SLC24A2: variants seen among roughly 807,000 people sequenced by gnomAD.
The protein encoded by SLC24A2 is sodium/potassium/calcium exchanger 2.
A neutral mutation model predicts 62.0 loss-of-function variants in SLC24A2; 36 were observed. That is an observed-to-expected ratio of 0.58 (90% confidence interval 0.44 to 0.77). The LOEUF is 0.77. SLC24A2 is among the 30% of genes least tolerant of loss of function. The probability of loss-of-function intolerance (pLI) is 0.00; values close to 1 mark genes in which losing one functional copy is unlikely to be tolerated. For synonymous variants in SLC24A2, 358 were observed against 294.0 expected (o/e 1.22, Z -2.23); for missense variants, 846 against 817.9 (o/e 1.03, Z -0.42).
the SLC24A2 span, among the ~76,000 whole-genome samples, chr9:20,258,804 C>CTA: frequency 8.0e-6 from 1 of 124,260 alleles, no homozygotes; most frequent in African/African-American, 2.8e-5. Flanking sequence ...ATCTATCTAT[C>CTA]TATCTATCTA....
At chr9:19,829,810 T>C in the SLC24A2 span, among the ~76,000 whole-genome samples, 782 of 34,058 alleles carry the variant, frequency 0.023, 4 homozygotes, top group South Asian at 0.16. Context: ...TATATATATA[T>C]ACACACACAC....
chr9:19,531,340 G>C (rs1198660462), intron 8 of SLC24A2, among the ~76,000 whole-genome samples: 1 of 152,190 alleles, frequency 6.6e-6, no homozygotes, highest in Non-Finnish European at 1.5e-5. Context: ...AGTGTCATTG[G>C]AAGGAAGAAA....
At chr9:20,127,342 C>G in the SLC24A2 span, among the ~76,000 whole-genome samples, 1 of 152,102 alleles carries the variant, frequency 6.6e-6, no homozygotes, top group Non-Finnish European at 1.5e-5. Context: ...TTAGTTTAAC[C>G]TTTTCTTTTA....
chr9:20,197,420 T>C, the SLC24A2 span, among the ~76,000 whole-genome samples: 1 of 133,342 alleles, frequency 7.5e-6, no homozygotes, highest in Non-Finnish European at 1.5e-5. Context: ...GTATTTTCTC[T>C]CTCTCTCTTT....
chr9:19,965,739 G>A, the SLC24A2 span, among the ~76,000 whole-genome samples: 1 of 152,156 alleles, frequency 6.6e-6, no homozygotes, highest in African/African-American at 2.4e-5. Context: ...TCAAAAAGCA[G>A]GAATTTTAGC....
intron 2 of SLC24A2, among the ~76,000 whole-genome samples, chr9:19,696,885 TTGAG>T (rs1820208619): frequency 6.6e-6 from 1 of 152,184 alleles, no homozygotes; most frequent in South Asian, 2.1e-4. Context: ...CATTTTAGAA[TTGAG>T]TTTTTCTTTT....
chr9:19,904,475 T>C, the SLC24A2 span, among the ~76,000 whole-genome samples: 1 of 152,200 alleles, frequency 6.6e-6, no homozygotes, highest in East Asian at 1.9e-4. Context: ...GTTTACTAGA[T>C]TGGACAAAAA....
At chr9:20,127,991 G>A in the SLC24A2 span, among the ~76,000 whole-genome samples, 3 of 151,982 alleles carry the variant, frequency 2.0e-5, no homozygotes, top group Non-Finnish European at 2.9e-5. Flanking sequence ...TGCCTACTAC[G>A]TAGTAGCATT....
At chr9:19,551,012 T>C (rs113600193) in intron 7 of SLC24A2, among the ~76,000 whole-genome samples, 1 of 152,168 alleles carries the variant, frequency 6.6e-6, no homozygotes, top group Non-Finnish European at 1.5e-5. Context: ...CTTTGGAATA[T>C]ATAGTGTGTT....
the SLC24A2 span, among the ~76,000 whole-genome samples, chr9:20,298,731 A>G: frequency 6.6e-6 from 1 of 152,244 alleles, no homozygotes; most frequent in Non-Finnish European, 1.5e-5. Context: ...AATCTTTCCA[A>G]ACAGCACTGA....
At chr9:19,817,191 A>G in the SLC24A2 span, among the ~76,000 whole-genome samples, 10 of 151,994 alleles carry the variant, frequency 6.6e-5, no homozygotes, top group African/African-American at 2.4e-4. Context: ...TCACTCTTAA[A>G]TCTCTGCTTC....
At chr9:20,203,777 T>C in the SLC24A2 span, among the ~76,000 whole-genome samples, 15 of 151,806 alleles carry the variant, frequency 9.9e-5, no homozygotes, top group African/African-American at 3.1e-4. Context: ...GAAGAAAAAA[T>C]ACATCCCAAC....
chr9:19,944,669 C>T, the SLC24A2 span, among the ~76,000 whole-genome samples: 1 of 152,276 alleles, frequency 6.6e-6, no homozygotes, highest in East Asian at 1.9e-4. Context: ...CTTTCTGAAG[C>T]TTCAGTATCC....
chr9:19,946,284 C>T, the SLC24A2 span, among the ~76,000 whole-genome samples: 14 of 152,106 alleles, frequency 9.2e-5, no homozygotes, highest in African/African-American at 2.7e-4. Context: ...CATTTTTAAC[C>T]TGGTAAACTC....
At chr9:19,798,598 C>CCCCACA in the SLC24A2 span, among the ~76,000 whole-genome samples, 1 of 146,448 alleles carries the variant, frequency 6.8e-6, no homozygotes, top group African/African-American at 2.5e-5. Context: ...ATCCTTTATA[C>CCCCACA]CACACACACA....
intron 5 of SLC24A2, among the ~76,000 whole-genome samples, chr9:19,589,628 T>G (rs1836491548): frequency 6.6e-6 from 1 of 152,220 alleles, no homozygotes; most frequent in Non-Finnish European, 1.5e-5. Flanking sequence ...TAATACACAT[T>G]AGGAACTATC....
chr9:19,985,451 A>C, the SLC24A2 span, among the ~76,000 whole-genome samples: 1 of 152,198 alleles, frequency 6.6e-6, no homozygotes, highest in Non-Finnish European at 1.5e-5. Flanking sequence ...TGAATCTCAA[A>C]AGTATTACAA....
chr9:19,656,160 T>A (rs529330805), intron 2 of SLC24A2, among the ~76,000 whole-genome samples: 1 of 152,212 alleles, frequency 6.6e-6, no homozygotes, highest in Non-Finnish European at 1.5e-5. Context: ...ATCATTTCCA[T>A]AGAGAGAGCT....
At position 19,612,868 on chromosome 9, in the gene SLC24A2, A is replaced by G. The variant is rs192628552; in HGVS notation, c.1078+6716T>C. Among the ~76,000 whole-genome samples, 95 of 152,300 alleles carry G rather than the reference A, an allele frequency of 6.2e-4. 1 individual carries two copies. The highest frequency in any genetic ancestry group is 1.8e-4 in the Non-Finnish European group (12 of 68,032). ...TTCTAAAAACAAACAAAAACAACTG[A>G]TAAAAAACAATTTTCATCTTGAATC... is the stretch of plus-strand genomic sequence containing the variant. On this transcript the variant is annotated intron_variant, in intron 4 of 10. Transcript: ENST00000341998.
Sources: gnomAD v4.1 joint callset for allele counts (sites outside exome capture counted in the v4.1 genomes callset) on GRCh38, gnomAD v4.1.1 for gene constraint, MANE v1.5 for transcripts, NCBI Gene and HGNC (gene_info 2026-07-23, HGNC 2026-07-21) for gene names.